Variants in MEF2C observed in about 807,000 individuals in gnomAD.
MEF2C encodes the protein myocyte enhancer factor 2C, also known as myocyte-specific enhancer factor 2C.
A neutral mutation model predicts 50.5 loss-of-function variants in MEF2C; 6 were observed. That is an observed-to-expected ratio of 0.12 (90% CI 0.07 to 0.23). The LOEUF (loss-of-function observed/expected upper bound fraction) is 0.23, where lower values mean the gene tolerates loss of function less well. Ranked by LOEUF, MEF2C falls within the 10% of genes least tolerant of loss-of-function variation. The pLI is 1.00. For missense variants in MEF2C, 276 were observed against 605.0 expected (o/e 0.46, Z 5.70); for synonymous variants, 183 against 228.0 (o/e 0.80, Z 1.78).
chr5:88,880,189 G>A (rs1419349798), intron 1 of MEF2C, among the ~76,000 whole-genome samples: 1 of 152,104 alleles, frequency 6.6e-6, no homozygotes, highest in East Asian at 1.9e-4. Flanking sequence ...AGTATAGAAT[G>A]AATACGTGTA....
At chr5:88,756,816 G>T (rs1196638334) in intron 4 of MEF2C, among the ~76,000 whole-genome samples, 1 of 151,012 alleles carries the variant, frequency 6.6e-6, no homozygotes, top group Non-Finnish European at 1.5e-5. Flanking sequence ...AAAAATGAAA[G>T]CCAAAAAGTA....
intron 3 of MEF2C, among the ~76,000 whole-genome samples, chr5:88,789,940 G>A (rs1211162756): frequency 1.3e-5 from 2 of 152,136 alleles, no homozygotes; most frequent in African/African-American, 4.8e-5. Context: ...TTTTGACCAA[G>A]AAAATAATGA....
intron 1 of MEF2C, among the ~76,000 whole-genome samples, chr5:88,866,731 T>G (rs943739285): frequency 6.6e-6 from 1 of 152,230 alleles, no homozygotes; most frequent in African/African-American, 2.4e-5. Context: ...ACATCTAACT[T>G]TGGTTTTAAA....
intron 1 of MEF2C, among the ~76,000 whole-genome samples, chr5:88,845,167 A>C (rs1054714899): frequency 1.3e-5 from 2 of 152,258 alleles, no homozygotes; most frequent in Non-Finnish European, 2.9e-5. Context: ...AGCCAGAATG[A>C]ACATTACAAA....
intron 1 of MEF2C, among the ~76,000 whole-genome samples, chr5:88,851,233 CAAAAAAA>C (rs35458971): frequency 9.4e-6 from 1 of 106,848 alleles, no homozygotes; most frequent in Non-Finnish European, 1.8e-5. Flanking sequence ...CTCCATCTCA[CAAAAAAA>C]AAAAAAAAAA....
intron 3 of MEF2C, among the ~76,000 whole-genome samples, chr5:88,781,072 C>T (rs760047486): frequency 2.0e-5 from 3 of 152,026 alleles, no homozygotes; most frequent in African/African-American, 4.8e-5. Context: ...CTTTTGACTC[C>T]TAGTTTTTTT....
rs1455106280 is a variant in MEF2C, at chr5:88,718,082, CAG to C, written c.*4520_*4521del. On this transcript the variant is annotated 3_prime_UTR_variant, in exon 11 of 11. Coordinates refer to ENST00000504921, the MANE Select transcript of MEF2C (RefSeq NM_002397.5). ...TCATCCAATTCACACCCCTCCCACA[CAG>C]ACACACATATCCATCTTTTCATATA... 6.6e-6 allele frequency: 1 copy of C among 152,202 alleles called. No individual in the cohort carries two copies. Among genetic ancestry groups the C allele is most frequent in the Non-Finnish European group, 1.5e-5 (1 of 68,032 alleles). The allele number at this position is 152,202 out of a possible 1,614,324, so 9.4% of individuals were successfully genotyped here. A position where few individuals can be genotyped will look rare whatever the true frequency, so the allele number is the denominator to read the frequency against.
intron 3 of MEF2C, among the ~76,000 whole-genome samples, chr5:88,798,418 G>A (rs560263171): frequency 1.1e-4 from 16 of 151,052 alleles, no homozygotes; most frequent in African/African-American, 3.4e-4. Flanking sequence ...CCTTTCTTCC[G>A]CTTGATCGAT....
intron 2 of MEF2C, among the ~76,000 whole-genome samples, chr5:88,823,105 T>C (rs925050479): frequency 6.6e-6 from 1 of 151,952 alleles, no homozygotes; most frequent in African/African-American, 2.4e-5. Context: ...GACATTATCA[T>C]TGGCATTCTA....
At chr5:88,735,019 T>C in intron 6 of MEF2C, 2 of 985,432 alleles carry the variant, frequency 2.0e-6, no homozygotes, top group Non-Finnish European at 2.4e-6. Flanking sequence ...TAACCATTTC[T>C]GTTTCCAGCC....
chr5:88,871,572 T>C (rs1254201977), intron 1 of MEF2C, among the ~76,000 whole-genome samples: 2 of 152,042 alleles, frequency 1.3e-5, no homozygotes, highest in Non-Finnish European at 2.9e-5. Flanking sequence ...TTTCAAGTGG[T>C]TGCAACTAGC....
rs73177744 is a variant in MEF2C at position 88,753,190 on chromosome 5, G to A, written c.403-1147C>T. 3.7e-3 allele frequency among the ~76,000 whole-genome samples: 556 copies of A among 152,042 alleles called. 1 individual carries two copies. Among genetic ancestry groups the A allele is most frequent in the African/African-American group, 0.013 (536 of 41,486 alleles). ...TGGCCTGCATCATACATCTTTCTGT[G>A]TAATATTTCTCTGTTTATCTTGGTG... On this transcript the variant is annotated intron_variant, in intron 4 of 10. Coordinates refer to ENST00000504921, the MANE Select transcript of MEF2C (RefSeq NM_002397.5).
At chr5:88,766,236 A>G (rs970442355) in intron 3 of MEF2C, among the ~76,000 whole-genome samples, 6 of 152,192 alleles carry the variant, frequency 3.9e-5, no homozygotes, top group African/African-American at 1.2e-4. Context: ...GAATTTCATT[A>G]GGGGAACAGA....
chr5:88,846,077 T>TC (rs1819223793), intron 1 of MEF2C, among the ~76,000 whole-genome samples: 1 of 151,794 alleles, frequency 6.6e-6, no homozygotes, highest in South Asian at 2.1e-4. Context: ...AGTCTTTTTT[T>TC]TTTTTTTTGA....
At chr5:88,794,158 C>T (rs1795021531) in intron 3 of MEF2C, among the ~76,000 whole-genome samples, 1 of 152,004 alleles carries the variant, frequency 6.6e-6, no homozygotes, top group Non-Finnish European at 1.5e-5. Context: ...GGGTATATAC[C>T]CAGAAATGGT....
Position 88,875,472 on chromosome 5 carries a change from G to T in MEF2C, c.-143+7483C>A, listed in dbSNP as rs1239176748. On this transcript the variant is annotated intron_variant, in intron 1 of 10. Transcript: ENST00000504921. ...TGGAATATAATGCACAAGCTTCATT[G>T]AAAAGAAACCATTATATTTTTCTTT... Among the ~76,000 whole-genome samples the T allele has an allele frequency of 2.0e-5, 3 of 151,832 alleles. No homozygotes were observed. The East Asian group carries it at 5.8e-4, about 29-fold the overall frequency.
intron 3 of MEF2C, among the ~76,000 whole-genome samples, chr5:88,797,927 A>T (rs1280408202): frequency 6.6e-6 from 1 of 152,176 alleles, no homozygotes; most frequent in Non-Finnish European, 1.5e-5. Context: ...TGGATATGAA[A>T]TTCTGGGTTG....
At chr5:88,725,783 T>A (rs1253106056) in intron 10 of MEF2C, among the ~76,000 whole-genome samples, 1 of 152,106 alleles carries the variant, frequency 6.6e-6, no homozygotes, top group Non-Finnish European at 1.5e-5. Flanking sequence ...AACCTAACCT[T>A]TTATAAGTCA....
intron 1 of MEF2C, among the ~76,000 whole-genome samples, chr5:88,839,895 T>C (rs373711145): frequency 3.9e-5 from 6 of 152,332 alleles, no homozygotes; most frequent in African/African-American, 1.4e-4. Context: ...AGAATGGACT[T>C]GGAAATTTCA....
Sources: gnomAD v4.1 joint callset for allele counts (sites outside exome capture counted in the v4.1 genomes callset) on GRCh38, gnomAD v4.1.1 for gene constraint, MANE v1.5 for transcripts, NCBI Gene and HGNC (gene_info 2026-07-23, HGNC 2026-07-21) for gene names.